STON2: variants seen among roughly 807,000 people sequenced by gnomAD.
The protein encoded by STON2 is stonin-2.
In STON2, 29 loss-of-function variants were observed where a neutral mutation model predicts 65.7. The observed-to-expected ratio is 0.44, with a 90% confidence interval of 0.33 to 0.60. The LOEUF (loss-of-function observed/expected upper bound fraction) is 0.60. Among genes scored for constraint, STON2 ranks in the 20% least tolerant of loss-of-function variants. The pLI is 0.03. For synonymous variants in STON2, 404 were observed against 414.2 expected, an observed-to-expected ratio of 0.98 and a Z score of 0.30; for missense variants, 1,054 against 1,118.1, an observed-to-expected ratio of 0.94 and a Z score of 0.82.
In STON2 at chr14:81,265,055, T is replaced by C. The variant is rs1301104916; in HGVS notation, c.*3359A>G. 1 of 981,104 alleles carries C rather than the reference T, an allele frequency of 1.0e-6. No homozygotes were observed. The highest frequency in any genetic ancestry group is 1.2e-6 in the Non-Finnish European group (1 of 826,682). 60.8% of individuals were successfully genotyped at this position (981,104 alleles called of 1,614,324 possible). A position where few individuals can be genotyped will look rare whatever the true frequency, so the allele number is the denominator to read the frequency against. ...ATTTTTAATATTTTCACATTATTGATAACAAAGATTATTTGTGACCACAAA... is the reference window on the plus strand; with the variant it reads ...ATTTTTAATATTTTCACATTATTGACAACAAAGATTATTTGTGACCACAAA... On this transcript the variant is annotated 3_prime_UTR_variant, in exon 8 of 8. Coordinates refer to ENST00000614646, the MANE Select transcript of STON2 (RefSeq NM_001394390.1).
In STON2 at chr14:81,371,232, CTTTG is replaced by C. The variant is rs1188175830; in HGVS notation, c.374-51_374-48del. 2.6e-6 allele frequency: 4 copies of C among 1,540,952 alleles called. No homozygotes were observed. In the African/African-American group the frequency reaches 4.1e-5, roughly 16 times the overall value. On this transcript the variant is annotated intron_variant, in intron 3 of 7. Coordinates refer to ENST00000614646, the MANE Select transcript of STON2 (RefSeq NM_001394390.1). The stretch of plus-strand genomic sequence containing the variant: ...AAAGCATACAATATAAATAGTTGTA[CTTTG>C]TTTATCTTTAGTGCTTATCTTACTT...
chr14:81,287,560 C>T lies in STON2; in HGVS notation c.743-8821G>A, dbSNP rs1265716699. 5.9e-5 allele frequency among the ~76,000 whole-genome samples: 9 copies of T among 152,312 alleles called. No homozygotes were observed. The East Asian group carries it at 1.7e-3, about 29-fold the overall frequency. ...TCAGCCTGCCCTGCCAACTCCCTCC[C>T]TGCCATTAGGACAGCCTGACCTGAC... On this transcript the variant is annotated intron_variant, in intron 5 of 7. Transcript: ENST00000614646.
At chr14:81,354,992 A>G (rs1898168438) in intron 4 of STON2, among the ~76,000 whole-genome samples, 1 of 152,128 alleles carries the variant, frequency 6.6e-6, no homozygotes. Context: ...CTCAGAAGAA[A>G]AAAAAAAAAT....
chr14:81,321,370 TAAAAAAAAA>T (rs566882924), intron 5 of STON2, among the ~76,000 whole-genome samples: 3 of 126,722 alleles, frequency 2.4e-5, no homozygotes, highest in African/African-American at 8.8e-5. Flanking sequence ...GTTTCTACTT[TAAAAAAAAA>T]AAAAAAAAAA....
chr14:81,388,280 A>G (rs117353647), intron 3 of STON2, among the ~76,000 whole-genome samples: 1 of 152,128 alleles, frequency 6.6e-6, no homozygotes, highest in Non-Finnish European at 1.5e-5. Flanking sequence ...GGGAGACTGT[A>G]TATCTCCTTT....
At chr14:81,423,997 T>C (rs1901844208) in intron 2 of STON2, among the ~76,000 whole-genome samples, 1 of 152,174 alleles carries the variant, frequency 6.6e-6, no homozygotes, top group Non-Finnish European at 1.5e-5. Context: ...ATCCCCTATG[T>C]TTAAAGTAAA....
chr14:81,331,754 T>C (rs1264444912), intron 4 of STON2, among the ~76,000 whole-genome samples: 1 of 152,180 alleles, frequency 6.6e-6, no homozygotes, highest in Admixed American at 6.5e-5. Context: ...GCAGAGCAGC[T>C]AATTGAGGTT....
intron 4 of STON2, among the ~76,000 whole-genome samples, chr14:81,338,828 G>A (rs1897476731): frequency 6.6e-6 from 1 of 152,202 alleles, no homozygotes; most frequent in African/African-American, 2.4e-5. Flanking sequence ...TTGAGAGTAA[G>A]AGCGAGAGAA....
chr14:81,380,774 G>C (rs1899475758), intron 3 of STON2, among the ~76,000 whole-genome samples: 1 of 152,066 alleles, frequency 6.6e-6, no homozygotes, highest in Non-Finnish European at 1.5e-5. Flanking sequence ...TAAACACTAA[G>C]TACACACAGA....
chr14:81,405,881 G>C (rs1284554704), intron 2 of STON2, among the ~76,000 whole-genome samples: 2 of 152,170 alleles, frequency 1.3e-5, no homozygotes, highest in Non-Finnish European at 2.9e-5. Context: ...AGTGGACTGG[G>C]AGAGGCAGAC....
chr14:81,406,704 G>C (rs929876020), intron 2 of STON2, among the ~76,000 whole-genome samples: 5 of 152,116 alleles, frequency 3.3e-5, no homozygotes, highest in African/African-American at 1.2e-4. Flanking sequence ...ACTGTGGCTG[G>C]GCTGGACCAC....
At chr14:81,329,454 CAA>C (rs56370265) in intron 4 of STON2, among the ~76,000 whole-genome samples, 13,299 of 118,370 alleles carry the variant, frequency 0.11, 592 homozygotes, top group South Asian at 0.17. Context: ...GACTCTGTCT[CAA>C]AAAAAAAAAA....
intron 4 of STON2, among the ~76,000 whole-genome samples, chr14:81,329,433 C>T (rs1897123214): frequency 1.5e-5 from 2 of 135,370 alleles, no homozygotes; most frequent in East Asian, 2.2e-4. Context: ...CCAGCCTGGG[C>T]AACAGAGCTA....
intron 5 of STON2, among the ~76,000 whole-genome samples, chr14:81,300,455 C>G (rs1415884039): frequency 6.6e-6 from 1 of 152,026 alleles, no homozygotes; most frequent in African/African-American, 2.4e-5. Context: ...ATCAATTTAT[C>G]AAGACATCAG....
At chr14:81,423,898 CAGTGCGAG>C in intron 2 of STON2, among the ~76,000 whole-genome samples, 1 of 152,272 alleles carries the variant, frequency 6.6e-6, no homozygotes, top group African/African-American at 2.4e-5. Flanking sequence ...GGGCTTGGCA[CAGTGCGAG>C]AGTCGATGTC....
chr14:81,262,639 A>G lies in STON2; in HGVS notation c.*5775T>C, dbSNP rs964813807. 4.1e-6 allele frequency: 4 copies of G among 985,322 alleles called. No homozygotes were observed. The Admixed American group carries it at 1.8e-4, about 45-fold the overall frequency. The allele number at this position is 985,322 out of a possible 1,614,324, so 61.0% of individuals were successfully genotyped here. A position where few individuals can be genotyped will look rare whatever the true frequency, so the allele number is the denominator to read the frequency against. On this transcript the variant is annotated 3_prime_UTR_variant, in exon 8 of 8. Coordinates refer to ENST00000614646, the MANE Select transcript of STON2 (RefSeq NM_001394390.1). The stretch of plus-strand genomic sequence containing the variant: ...CATTTGCCTCTCTCCAGGCACTACC[A>G]AACTCATTACTGTGGATAGTTTCTG...
Position 81,270,783 on chromosome 14 carries a change from C to T in STON2, c.2671G>A (p.Glu891Lys), listed in dbSNP as rs768825673. ...GCAGAAGTTGTGGGCATGCTGAACTCGACATTCACGTGATTGGCAAATCTG... is the reference window on the plus strand; with the variant it reads ...GCAGAAGTTGTGGGCATGCTGAACTTGACATTCACGTGATTGGCAAATCTG... ...PSRFANHVNV[E>K]FSMPTTSASK... is the part of the protein sequence containing the mutation. Residue 891 changes from glutamate (E) to lysine (K), a missense_variant, in exon 7 of 8, where the codon GAG becomes AAG. Coordinates refer to ENST00000614646, the MANE Select transcript of STON2 (RefSeq NM_001394390.1). 29 of 1,613,904 alleles carry T rather than the reference C, an allele frequency of 1.8e-5. No homozygotes were observed. Among genetic ancestry groups the T allele is most frequent in the South Asian group, 1.1e-4 (10 of 91,080 alleles).
intron 4 of STON2, among the ~76,000 whole-genome samples, chr14:81,368,048 T>G (rs150885583): frequency 3.9e-4 from 59 of 152,334 alleles, no homozygotes; most frequent in African/African-American, 1.4e-3. Flanking sequence ...GCTACACATC[T>G]TGTTTTAAAT....
At chr14:81,329,853 G>T (rs188362599) in intron 4 of STON2, among the ~76,000 whole-genome samples, 177 of 152,256 alleles carry the variant, frequency 1.2e-3, no homozygotes, top group African/African-American at 3.7e-3. Flanking sequence ...GCCCACAGCT[G>T]ACTCTTCAAA....
Sources: allele counts gnomAD v4.1 joint callset (sites outside exome capture counted in the v4.1 genomes callset), GRCh38; gene constraint gnomAD v4.1.1; transcripts MANE v1.5; gene names NCBI Gene and HGNC (gene_info 2026-07-23, HGNC 2026-07-21).